Variants in FLRT2 observed in about 807,000 individuals in gnomAD.
FLRT2 encodes the protein fibronectin leucine rich transmembrane protein 2, also known as leucine-rich repeat transmembrane protein FLRT2.
Under a neutral mutation model 40.0 loss-of-function variants are expected in FLRT2, and 15 were observed. The observed-to-expected ratio is 0.38, with a 90% CI of 0.25 to 0.58. The LOEUF is 0.58. Among genes scored for constraint, FLRT2 ranks in the 20% least tolerant of loss-of-function variants. The pLI, the probability that FLRT2 is intolerant of heterozygous loss-of-function variation, is 0.71. For synonymous variants in FLRT2, 380 were observed against 336.8 expected, an observed-to-expected ratio of 1.13 and a Z score of -1.41; for missense variants, 726 against 840.0, an observed-to-expected ratio of 0.86 and a Z score of 1.68.
In FLRT2 at chr14:85,533,435, G is replaced by T. The variant is rs572354301; in HGVS notation, c.-377+2901G>T. ...CCTGCGCCCGCCCCCGCGCAGCGCC[G>T]CACGCCCGGCTCCGAGCTGTCCGCA... On this transcript the variant is annotated intron_variant, in intron 1 of 1. Coordinates refer to ENST00000330753, the MANE Select transcript of FLRT2 (RefSeq NM_013231.6). 1.6e-3 allele frequency among the ~76,000 whole-genome samples: 246 copies of T among 152,134 alleles called. 4 individuals carry two copies. Among genetic ancestry groups the T allele is most frequent in the African/African-American group, 5.8e-3 (241 of 41,540 alleles).
At chr14:85,565,975 C>T (rs779986058) in intron 1 of FLRT2, among the ~76,000 whole-genome samples, 2 of 151,552 alleles carry the variant, frequency 1.3e-5, no homozygotes, top group East Asian at 3.9e-4. Flanking sequence ...CAAAATACAC[C>T]GATTTTTTTG....
chr14:85,577,888 A>C, intron 1 of FLRT2, among the ~76,000 whole-genome samples: 1 of 151,492 alleles, frequency 6.6e-6, no homozygotes, highest in East Asian at 1.9e-4. Context: ...GGCCTGATTT[A>C]CTTTTTTATT....
In FLRT2 at chr14:85,580,688, A is replaced by T. The variant is rs1003631658; in HGVS notation, c.-376-40451A>T. ...CTGCTATATGATGAGCTATCATCAG[A>T]AAACAGTCAGCAGAAGCCAGGTCAT... On this transcript the variant is annotated intron_variant, in intron 1 of 1. Coordinates refer to ENST00000330753, the MANE Select transcript of FLRT2 (RefSeq NM_013231.6). Among the ~76,000 whole-genome samples the T allele has an allele frequency of 2.0e-5, 3 of 152,292 alleles. No homozygotes were observed. In the East Asian group the frequency reaches 5.8e-4, roughly 29 times the overall value.
intron 1 of FLRT2, among the ~76,000 whole-genome samples, chr14:85,545,219 A>G (rs555297086): frequency 2.0e-5 from 3 of 152,350 alleles, no homozygotes; most frequent in Non-Finnish European, 4.4e-5. Flanking sequence ...AACAGTAACA[A>G]CAATATTAAT....
In FLRT2 at chr14:85,570,935, A is replaced by G. The variant is rs185331962; in HGVS notation, c.-377+40401A>G. Among the ~76,000 whole-genome samples, 537 of 152,140 alleles carry G rather than the reference A, an allele frequency of 3.5e-3. 14 individuals are homozygous for G. The highest frequency in any genetic ancestry group is 0.031 in the Admixed American group (478 of 15,278). ...CAACTCTGGTGGCTTAATGTATTCCATTATACTTGCCTTTTCTTTGCACTT... is the reference window on the plus strand; with the variant it reads ...CAACTCTGGTGGCTTAATGTATTCCGTTATACTTGCCTTTTCTTTGCACTT... On this transcript the variant is annotated intron_variant, in intron 1 of 1. Transcript: ENST00000330753.
At chr14:85,608,501 T>TA (rs1892725939) in intron 1 of FLRT2, among the ~76,000 whole-genome samples, 1 of 152,178 alleles carries the variant, frequency 6.6e-6, no homozygotes, top group Non-Finnish European at 1.5e-5. Flanking sequence ...CCCAAAGTGC[T>TA]AGGATTACAG....
At chr14:85,593,156 A>G (rs1891976751) in intron 1 of FLRT2, among the ~76,000 whole-genome samples, 3 of 152,236 alleles carry the variant, frequency 2.0e-5, no homozygotes, top group South Asian at 2.1e-4. Flanking sequence ...TAGGTTAACT[A>G]CAAAAGAGAA....
At chr14:85,543,898 T>C (rs1889124860) in intron 1 of FLRT2, among the ~76,000 whole-genome samples, 1 of 152,186 alleles carries the variant, frequency 6.6e-6, no homozygotes, top group Non-Finnish European at 1.5e-5. Flanking sequence ...TATATTGTAT[T>C]ATAAAATGTG....
intron 1 of FLRT2, among the ~76,000 whole-genome samples, chr14:85,569,481 T>C (rs1890793984): frequency 6.6e-6 from 1 of 152,116 alleles, no homozygotes; most frequent in Admixed American, 6.5e-5. Context: ...GACCAACTCA[T>C]GCAGCAAACA....
At chr14:85,609,772 C>T (rs1892779411) in intron 1 of FLRT2, among the ~76,000 whole-genome samples, 1 of 152,234 alleles carries the variant, frequency 6.6e-6, no homozygotes, top group Non-Finnish European at 1.5e-5. Flanking sequence ...AGGGTCACCT[C>T]TCGTGAGTCA....
In FLRT2 at chr14:85,648,736, A is replaced by C. The variant is rs1894365364; in HGVS notation, c.*25239A>C. On this transcript the variant is annotated 3_prime_UTR_variant, in exon 2 of 2. Coordinates refer to ENST00000330753, the MANE Select transcript of FLRT2 (RefSeq NM_013231.6). ...GATGAGATGTACTGTCTGCCACCCT[A>C]ACTGCCCATAGGACTCCACCAAGGA... is the stretch of plus-strand genomic sequence containing the variant. 1 of 152,072 alleles carries C rather than the reference A, an allele frequency of 6.6e-6. No individual in the cohort carries two copies. The highest frequency in any genetic ancestry group is 1.5e-5 in the Non-Finnish European group (1 of 68,022). 9.4% of individuals were successfully genotyped at this position (152,072 alleles called of 1,614,324 possible).
chr14:85,611,915 A>AGT (rs1555370803), intron 1 of FLRT2, among the ~76,000 whole-genome samples: 3 of 94,824 alleles, frequency 3.2e-5, no homozygotes, highest in East Asian at 2.7e-4. Flanking sequence ...CGTGCGCGAA[A>AGT]GCGTGTGTGT....
At position 85,630,016 on chromosome 14, in the gene FLRT2, C is replaced by T. The variant is rs771705719; in HGVS notation, c.*6519C>T. 3.3e-5 allele frequency: 5 copies of T among 152,092 alleles called. No individual in the cohort carries two copies. Among genetic ancestry groups the T allele is most frequent in the African/African-American group, 7.2e-5 (3 of 41,400 alleles). 9.4% of individuals were successfully genotyped at this position (152,092 alleles called of 1,614,324 possible). ...GTTATTTTTAGGAATGAATTTGTTT[C>T]GTACTTGAGATGTTGCTCTAAGTAT... On this transcript the variant is annotated 3_prime_UTR_variant, in exon 2 of 2. Transcript: ENST00000330753.
intron 1 of FLRT2, among the ~76,000 whole-genome samples, chr14:85,569,323 G>T (rs1323204332): frequency 9.2e-5 from 14 of 152,306 alleles, no homozygotes; most frequent in Non-Finnish European, 1.9e-4. Context: ...TGCCAGCCTG[G>T]CATGGAGTGA....
rs35439175 is a variant in FLRT2, at chr14:85,590,058, ATT to A, written c.-376-31067_-376-31066del. Among the ~76,000 whole-genome samples the A allele has an allele frequency of 6.3e-3, 922 of 146,642 alleles. 6 individuals are homozygous for A. The highest frequency in any genetic ancestry group is 0.018 in the Middle Eastern group (5 of 278). ...CTCCAGTTTTGTTGTTTTTGCTCAGATTTTTTTTTTTTTTTAAACATAACATT... is the reference window on the plus strand; with the variant it reads ...CTCCAGTTTTGTTGTTTTTGCTCAGATTTTTTTTTTTTTAAACATAACATT... On this transcript the variant is annotated intron_variant, in intron 1 of 1. Coordinates refer to ENST00000330753, the MANE Select transcript of FLRT2 (RefSeq NM_013231.6).
At chr14:85,603,865 A>G (rs1892492677) in intron 1 of FLRT2, among the ~76,000 whole-genome samples, 1 of 152,134 alleles carries the variant, frequency 6.6e-6, no homozygotes, top group Admixed American at 6.5e-5. Flanking sequence ...GCGAGACTCA[A>G]TCTTGAAACC....
rs1020776967 is a variant in FLRT2 at position 85,647,942 on chromosome 14, A to T, written c.*24445A>T. 6.6e-6 allele frequency: 1 copy of T among 152,150 alleles called. No individual in the cohort carries two copies. Among genetic ancestry groups the T allele is most frequent in the Non-Finnish European group, 1.5e-5 (1 of 68,016 alleles). The allele number at this position is 152,150 out of a possible 1,614,324, so 9.4% of individuals were successfully genotyped here. ...TCTTATGGCCAGTTGCAGAGTAAGA[A>T]ATTAATAACTACTCCTGTTCTCTTC... is the stretch of plus-strand genomic sequence containing the variant. On this transcript the variant is annotated 3_prime_UTR_variant, in exon 2 of 2. Transcript: ENST00000330753.
In FLRT2 at chr14:85,644,053, A is replaced by G. The variant is rs565854160; in HGVS notation, c.*20556A>G. ...TTGGCAAATTGAAGCCAGACTAATTATCACAATGTAGTATCATTAACACTC... is the reference window on the plus strand; with the variant it reads ...TTGGCAAATTGAAGCCAGACTAATTGTCACAATGTAGTATCATTAACACTC... On this transcript the variant is annotated 3_prime_UTR_variant, in exon 2 of 2. Coordinates refer to ENST00000330753, the MANE Select transcript of FLRT2 (RefSeq NM_013231.6). The G allele has an allele frequency of 7.4e-4, 113 of 152,358 alleles. No individual in the cohort carries two copies. Among genetic ancestry groups the G allele is most frequent in the African/African-American group, 2.6e-3 (109 of 41,580 alleles). The allele number at this position is 152,358 out of a possible 1,614,324, so 9.4% of individuals were successfully genotyped here.
chr14:85,622,332 C>T lies in FLRT2; in HGVS notation c.818C>T (p.Ser273Leu), dbSNP rs756332372. 6.2e-7 allele frequency: 1 copy of T among 1,614,134 alleles called. No homozygotes were observed. Among genetic ancestry groups the T allele is most frequent in the Admixed American group, 1.7e-5 (1 of 60,024 alleles). ...QINHIPLTAF[S>L]NLRKLERLDI... The stretch of plus-strand genomic sequence containing the variant: ...AACCACATTCCTTTGACAGCCTTCT[C>T]AAATCTGCGTAAGCTGGAACGGCTG... Residue 273 changes from serine (S) to leucine (L), a missense_variant, in exon 2 of 2, where the codon TCA becomes TTA. Coordinates refer to ENST00000330753, the MANE Select transcript of FLRT2 (RefSeq NM_013231.6).
Sources: gnomAD v4.1 joint callset for allele counts (sites outside exome capture counted in the v4.1 genomes callset) on GRCh38, gnomAD v4.1.1 for gene constraint, MANE v1.5 for transcripts, NCBI Gene and HGNC (gene_info 2026-07-23, HGNC 2026-07-21) for gene names.